TRPC4AP: variants seen among roughly 807,000 people sequenced by gnomAD.
The protein encoded by TRPC4AP is short transient receptor potential channel 4-associated protein.
A neutral mutation model predicts 99.0 loss-of-function variants in TRPC4AP; 45 were observed. That is an observed-to-expected ratio of 0.45 (90% confidence interval 0.36 to 0.58). TRPC4AP has a LOEUF of 0.58. TRPC4AP is among the 20% of genes least tolerant of loss of function. The pLI, the probability that TRPC4AP is intolerant of heterozygous loss-of-function variation, is 0.00. For missense variants in TRPC4AP, 879 were observed against 985.3 expected (o/e 0.89, Z 1.44); for synonymous variants, 408 against 385.8 (o/e 1.06, Z -0.67).
chr20:35,052,645 C>A (rs1473193653), intron 5 of TRPC4AP, among the ~76,000 whole-genome samples: 2 of 152,018 alleles, frequency 1.3e-5, no homozygotes, highest in Non-Finnish European at 2.9e-5. Context: ...GCATGTACCA[C>A]CACACCTGGC....
At position 35,005,226 on chromosome 20, in the gene TRPC4AP, CCTGA is replaced by C. The variant is rs373849245; in HGVS notation, c.1936+465_1936+468del. ...CAGTGACCGTGACAAGGAACAAGTG[CCTGA>C]CTTTTTGGGGGTGTGGGGGGGTCAC... On this transcript the variant is annotated intron_variant, in intron 16 of 18. Coordinates refer to ENST00000252015, the MANE Select transcript of TRPC4AP (RefSeq NM_015638.3). Among the ~76,000 whole-genome samples the C allele has an allele frequency of 5.2e-3, 788 of 152,304 alleles. 1 individual carries two copies. The highest frequency in any genetic ancestry group is 7.7e-3 in the Admixed American group (118 of 15,302).
At chr20:35,083,851 T>C (rs2084721433) in intron 1 of TRPC4AP, among the ~76,000 whole-genome samples, 2 of 151,604 alleles carry the variant, frequency 1.3e-5, no homozygotes, top group South Asian at 4.2e-4. Context: ...CTGGATTTGG[T>C]GAAGAGAAGT....
chr20:35,022,396 T>C lies in TRPC4AP; in HGVS notation c.1052-1040A>G, dbSNP rs1342094288. 1.1e-3 allele frequency among the ~76,000 whole-genome samples: 167 copies of C among 152,166 alleles called. 5 individuals are homozygous for C. The highest frequency in any genetic ancestry group is 1.6e-4 in the Non-Finnish European group (11 of 68,022). On this transcript the variant is annotated intron_variant, in intron 8 of 18. Coordinates refer to ENST00000252015, the MANE Select transcript of TRPC4AP (RefSeq NM_015638.3). The stretch of plus-strand genomic sequence containing the variant: ...GTCTTGAACTCCTGACCTCAAGTGA[T>C]CTGCCCGCCTCAGCCTCCCAAAGTG...
Position 35,016,093 on chromosome 20 carries a change from T to TAA in TRPC4AP, c.1264_1265insTT (p.Asn422IlefsTer7). On this transcript the variant is annotated frameshift_variant, in exon 10 of 19. Transcript: ENST00000252015. LOFTEE classifies it high-confidence loss of function. ...CCTCCAAATCAGTTTGTCAAACAAA[T>TAA]TATTAAGTCCAGGGATCAGCTTGAA... 1 of 1,614,164 alleles carries TAA rather than the reference T, an allele frequency of 6.2e-7. No homozygotes were observed. The highest frequency in any genetic ancestry group is 8.5e-7 in the Non-Finnish European group (1 of 1,180,020).
At chr20:35,061,564 T>C (rs1284257532) in intron 3 of TRPC4AP, among the ~76,000 whole-genome samples, 1 of 152,204 alleles carries the variant, frequency 6.6e-6, no homozygotes, top group Non-Finnish European at 1.5e-5. Context: ...AACCCGTGTC[T>C]ATGATCAGTT....
chr20:35,030,974 G>C (rs1455499107), intron 8 of TRPC4AP, among the ~76,000 whole-genome samples: 1 of 152,170 alleles, frequency 6.6e-6, no homozygotes, highest in Non-Finnish European at 1.5e-5. Context: ...ATTTCCAGAT[G>C]TTTGTCTGTT....
At chr20:35,088,357 A>G (rs1401866389) in intron 1 of TRPC4AP, among the ~76,000 whole-genome samples, 1 of 152,228 alleles carries the variant, frequency 6.6e-6, no homozygotes, top group Non-Finnish European at 1.5e-5. Flanking sequence ...CTGACTCTGG[A>G]ACTCTTTAAA....
At chr20:35,046,308 T>G (rs1339849301) in intron 6 of TRPC4AP, among the ~76,000 whole-genome samples, 1 of 152,188 alleles carries the variant, frequency 6.6e-6, no homozygotes, top group Non-Finnish European at 1.5e-5. Flanking sequence ...CACTCATTAC[T>G]CCTTAAAATC....
chr20:35,082,285 A>G (rs145099865), intron 1 of TRPC4AP, among the ~76,000 whole-genome samples: 175 of 152,350 alleles, frequency 1.1e-3, no homozygotes, highest in Non-Finnish European at 1.7e-3. Context: ...CTCGAGCAGT[A>G]TATCTAGTAA....
intron 10 of TRPC4AP, among the ~76,000 whole-genome samples, chr20:35,014,291 G>A (rs1331884406): frequency 2.0e-5 from 3 of 151,732 alleles, no homozygotes; most frequent in Non-Finnish European, 2.9e-5. Flanking sequence ...ACAAGGGGAA[G>A]TGGCTAGAGG....
Position 35,092,661 on chromosome 20 carries a change from G to C in TRPC4AP, c.121C>G (p.Leu41Val), listed in dbSNP as rs2085108926. The stretch of plus-strand genomic sequence containing the variant: ...CGGCCGGTCAGCTGGCCCTGCCGCA[G>C]CTGCAGCAGAATGTTACCAGGCCGC... The part of the protein sequence containing the change: ...RPRPGNILLQ[L>V]RQGQLTGRGL... Residue 41 changes from leucine to valine, a missense_variant, in exon 1 of 19, where the codon CTG becomes GTG. Coordinates refer to ENST00000252015, the MANE Select transcript of TRPC4AP (RefSeq NM_015638.3). The C allele has an allele frequency of 1.3e-6, 2 of 1,521,278 alleles. No homozygotes were observed. The highest frequency in any genetic ancestry group is 1.2e-5 in the South Asian group (1 of 83,068). The allele number at this position is 1,521,278 out of a possible 1,614,324, so 94.2% of individuals were successfully genotyped here.
Position 35,049,911 on chromosome 20 carries a change from G to T in TRPC4AP, c.612C>A (p.Phe204Leu), listed in dbSNP as rs367589701. The change falls in exon 6 of 19, where the codon TTC becomes TTA. Residue 204 changes from phenylalanine to leucine, a missense_variant. Phe to Leu is a conservative substitution (Grantham distance 22). Around this residue, in one of 3 missense-constraint regions of TRPC4AP, gnomAD observed 603 missense variants for 631.8 expected, o/e 0.95. Transcript: ENST00000252015. ...LFTLMTSKKT[F>L]LQTATLIEDI... The stretch of plus-strand genomic sequence containing the variant: ...CTTCAATGAGGGTTGCTGTTTGTAA[G>T]AATGTCTTCTTACTTGTCATCAATG... The T allele has an allele frequency of 6.2e-7, 1 of 1,614,016 alleles. No homozygotes were observed. Among genetic ancestry groups the T allele is most frequent in the Non-Finnish European group, 8.5e-7 (1 of 1,179,964 alleles).
At chr20:35,014,108 C>T (rs1018492393) in intron 10 of TRPC4AP, among the ~76,000 whole-genome samples, 4 of 152,134 alleles carry the variant, frequency 2.6e-5, no homozygotes, top group African/African-American at 9.7e-5. Flanking sequence ...GCCTTGGCCT[C>T]TCAAAGTGCT....
intron 1 of TRPC4AP, 134 bp from the exon 2 acceptor site, chr20:35,078,308 CCT>C (rs1374406309): frequency 1.1e-6 from 1 of 875,946 alleles, no homozygotes; most frequent in African/African-American, 1.7e-5. Context: ...CTATAAAAAG[CCT>C]CTTTCTATAA....
chr20:35,013,167 T>C, intron 10 of TRPC4AP, 101 bp from the exon 11 acceptor site: 1 of 1,091,132 alleles, frequency 9.2e-7, no homozygotes, highest in Non-Finnish European at 1.4e-6. Context: ...TAAGCCTCTG[T>C]CCTCATGTAC....
At chr20:35,059,698 A>C (rs2083931287) in intron 3 of TRPC4AP, among the ~76,000 whole-genome samples, 1 of 144,130 alleles carries the variant, frequency 6.9e-6, no homozygotes, top group Non-Finnish European at 1.5e-5. Flanking sequence ...AAGAAGAAGA[A>C]AGAAGAAGAA....
At chr20:35,040,818 G>A (rs1019438867) in intron 7 of TRPC4AP, among the ~76,000 whole-genome samples, 3 of 152,154 alleles carry the variant, frequency 2.0e-5, no homozygotes, top group East Asian at 1.9e-4. Context: ...GTGATCGTGT[G>A]AGCCAATTCC....
chr20:35,017,218 T>C (rs896213320), intron 9 of TRPC4AP, among the ~76,000 whole-genome samples: 4 of 152,174 alleles, frequency 2.6e-5, no homozygotes, highest in African/African-American at 4.8e-5. Flanking sequence ...AACTGAACAA[T>C]TGCCGAGAGA....
At chr20:35,045,104 T>C (rs1003226434) in intron 6 of TRPC4AP, among the ~76,000 whole-genome samples, 3 of 152,290 alleles carry the variant, frequency 2.0e-5, no homozygotes, top group East Asian at 3.9e-4. Flanking sequence ...ACTTCAAATA[T>C]AGCTAAAGGC....
Sources: gnomAD v4.1 joint callset for allele counts (sites outside exome capture counted in the v4.1 genomes callset) on GRCh38, gnomAD v4.1.1 for gene constraint, gnomAD v4.1.1 regional missense constraint, MANE v1.5 for transcripts, NCBI Gene and HGNC (gene_info 2026-07-23, HGNC 2026-07-21) for gene names.